The following ME1 variants were observed in gnomAD, a reference collection of about 807,000 sequenced individuals.
ME1 encodes malic enzyme 1.
Under a neutral mutation model 66.4 loss-of-function variants are expected in ME1, and 74 were observed. That is an observed-to-expected ratio of 1.11 (90% CI 0.92 to 1.35). The LOEUF (loss-of-function observed/expected upper bound fraction) is 1.35. Ranked by LOEUF, ME1 falls within the 40% of genes most tolerant of loss-of-function variation. The probability of loss-of-function intolerance (pLI) is 0.00; values close to 1 mark genes in which losing one functional copy is unlikely to be tolerated. For missense variants in ME1, 750 were observed against 694.1 expected, an observed-to-expected ratio of 1.08 and a Z score of -0.90; for synonymous variants, 251 against 235.6, an observed-to-expected ratio of 1.07 and a Z score of -0.60.
At chr6:83,313,781 C>T (rs555681886) in intron 6 of ME1, among the ~76,000 whole-genome samples, 2 of 152,156 alleles carry the variant, frequency 1.3e-5, no homozygotes, top group South Asian at 2.1e-4. Context: ...TGCAGAGTTT[C>T]TCAACTATTT....
chr6:83,356,760 T>A (rs1196413145), intron 3 of ME1, among the ~76,000 whole-genome samples: 2 of 152,122 alleles, frequency 1.3e-5, no homozygotes, highest in East Asian at 3.8e-4. Flanking sequence ...TTTTTTTTCC[T>A]GAACTATGAT....
At chr6:83,414,119 A>AG (rs1403566787) in intron 1 of ME1, among the ~76,000 whole-genome samples, 1 of 138,374 alleles carries the variant, frequency 7.2e-6, no homozygotes. Context: ...TTGAAAAAAA[A>AG]AAAAAAAAAA....
chr6:83,286,725 A>T (rs868096541), intron 6 of ME1, among the ~76,000 whole-genome samples: 1 of 152,176 alleles, frequency 6.6e-6, no homozygotes, highest in Non-Finnish European at 1.5e-5. Flanking sequence ...TAAACACAGG[A>T]GCAGGCTGGC....
chr6:83,367,760 A>G (rs982241666), intron 3 of ME1, among the ~76,000 whole-genome samples: 8 of 152,136 alleles, frequency 5.3e-5, no homozygotes, highest in African/African-American at 1.7e-4. Flanking sequence ...TTGATCTTCT[A>G]TCCAGACCAT....
At position 83,243,114 on chromosome 6, in the gene ME1, A is replaced by T. The variant is rs564606446; in HGVS notation, c.815-3478T>A. Among the ~76,000 whole-genome samples, 43 of 150,592 alleles carry T rather than the reference A, an allele frequency of 2.9e-4. 1 individual carries two copies. The East Asian group carries it at 7.2e-3, about 25-fold the overall frequency. ...TCTACCCCCCAAAAATTTTTTTTTT[A>T]AATTAGCTGGGTGTGATGGTACATG... On this transcript the variant is annotated intron_variant, in intron 7 of 13. Transcript: ENST00000369705.
At chr6:83,314,452 C>T (rs1767988371) in intron 6 of ME1, among the ~76,000 whole-genome samples, 1 of 152,080 alleles carries the variant, frequency 6.6e-6, no homozygotes, top group Admixed American at 6.6e-5. Context: ...ATATAAAATT[C>T]AGAATCAGGG....
At chr6:83,271,377 G>C (rs1216689934) in intron 6 of ME1, among the ~76,000 whole-genome samples, 3 of 152,162 alleles carry the variant, frequency 2.0e-5, no homozygotes, top group Admixed American at 2.0e-4. Flanking sequence ...TAATGGAAAA[G>C]GGGAGAATGT....
intron 6 of ME1, among the ~76,000 whole-genome samples, chr6:83,285,831 T>A (rs1240437918): frequency 6.6e-6 from 1 of 152,206 alleles, no homozygotes; most frequent in African/African-American, 2.4e-5. Context: ...CTGTTTTGTC[T>A]TTTTTAGGGA....
chr6:83,252,869 A>C (rs538004464), intron 7 of ME1, among the ~76,000 whole-genome samples: 1 of 152,386 alleles, frequency 6.6e-6, no homozygotes, highest in East Asian at 1.9e-4. Flanking sequence ...ATGGAAGCCA[A>C]CAGAAAAGAG....
intron 6 of ME1, among the ~76,000 whole-genome samples, chr6:83,257,256 C>A (rs1195067298): frequency 3.3e-5 from 5 of 151,402 alleles, no homozygotes; most frequent in Non-Finnish European, 4.4e-5. Flanking sequence ...AATCAAAAGA[C>A]TTTTACTAAA....
chr6:83,255,700 G>C (rs1258847884), intron 6 of ME1, among the ~76,000 whole-genome samples: 1 of 151,948 alleles, frequency 6.6e-6, no homozygotes, highest in Non-Finnish European at 1.5e-5. Flanking sequence ...CCTATAATTA[G>C]ATACTATATT....
intron 5 of ME1, among the ~76,000 whole-genome samples, chr6:83,320,911 A>C (rs1397623324): frequency 1.3e-5 from 2 of 152,190 alleles, no homozygotes; most frequent in Non-Finnish European, 2.9e-5. Context: ...CAGCAAGACC[A>C]ATGCAGAAGG....
chr6:83,376,599 G>A (rs909598727), intron 3 of ME1, among the ~76,000 whole-genome samples: 5 of 149,532 alleles, frequency 3.3e-5, no homozygotes, highest in Non-Finnish European at 4.4e-5. Context: ...CCAGGAATCC[G>A]AGACCAACCT....
intron 6 of ME1, among the ~76,000 whole-genome samples, chr6:83,261,545 T>G (rs1200816042): frequency 1.3e-5 from 2 of 151,876 alleles, no homozygotes; most frequent in Non-Finnish European, 2.9e-5. Flanking sequence ...GTTCCTATGT[T>G]CAGAGAGCCA....
intron 3 of ME1, among the ~76,000 whole-genome samples, chr6:83,370,946 A>G (rs1769183507): frequency 1.3e-5 from 2 of 152,062 alleles, no homozygotes; most frequent in South Asian, 4.1e-4. Context: ...TTAATGAAGA[A>G]AAAGAGGATA....
chr6:83,398,305 G>C, intron 3 of ME1, 62 bp downstream of exon 3: 1 of 1,163,910 alleles, frequency 8.6e-7, no homozygotes, highest in African/African-American at 1.6e-5. Flanking sequence ...TTTTAAATTC[G>C]TTAAAAAACT....
intron 1 of ME1, among the ~76,000 whole-genome samples, chr6:83,409,392 G>T (rs976254401): frequency 3.3e-5 from 5 of 152,136 alleles, no homozygotes; most frequent in African/African-American, 1.2e-4. Context: ...ACAGAATAGT[G>T]GCTCTTGAGT....
intron 11 of ME1, among the ~76,000 whole-genome samples, chr6:83,225,426 G>T (rs541152165): frequency 1.3e-5 from 2 of 152,160 alleles, no homozygotes; most frequent in East Asian, 3.9e-4. Flanking sequence ...CCAAGGCATA[G>T]TTTAAACGAT....
intron 5 of ME1, among the ~76,000 whole-genome samples, chr6:83,324,171 G>A (rs1768236261): frequency 6.6e-6 from 1 of 151,928 alleles, no homozygotes; most frequent in Non-Finnish European, 1.5e-5. Context: ...CAGAATCTCT[G>A]GGACACAGCT....
Sources: allele counts gnomAD v4.1 joint callset (sites outside exome capture counted in the v4.1 genomes callset), GRCh38; gene constraint gnomAD v4.1.1; transcripts MANE v1.5; gene names NCBI Gene and HGNC (gene_info 2026-07-23, HGNC 2026-07-21).